The following ROBO1 variants were observed in gnomAD, a reference collection of about 807,000 sequenced individuals.
ROBO1 encodes roundabout guidance receptor 1.
In ROBO1, 149 loss-of-function variants were observed where a neutral mutation model predicts 195.9. That is an observed-to-expected ratio of 0.76 (90% CI 0.67 to 0.87). ROBO1 has a LOEUF of 0.87. Among genes scored for constraint, ROBO1 ranks in the 40% least tolerant of loss-of-function variants. The pLI, the probability that ROBO1 is intolerant of heterozygous loss-of-function variation, is 0.00. For missense variants in ROBO1, 1,933 were observed against 2,068.3 expected (o/e 0.93, Z 1.27); for synonymous variants, 816 against 733.2 (o/e 1.11, Z -1.82).
In ROBO1 at chr3:79,174,402, G is replaced by A. The variant is rs151196789; in HGVS notation, c.89-48863C>T. 4.8e-3 allele frequency among the ~76,000 whole-genome samples: 731 copies of A among 151,940 alleles called. 5 individuals carry two copies. The highest frequency in any genetic ancestry group is 0.016 in the African/African-American group (676 of 41,450). On this transcript the variant is annotated intron_variant, in intron 2 of 30. Coordinates refer to ENST00000464233, the MANE Select transcript of ROBO1 (RefSeq NM_002941.4). ...GAACCCACCACAAGGAAGAAACTCC[G>A]AACACATCCGAACATTGGAAAGAAC...
intron 2 of ROBO1, among the ~76,000 whole-genome samples, chr3:79,516,554 C>T (rs1940953273): frequency 6.6e-6 from 1 of 152,068 alleles, no homozygotes; most frequent in African/African-American, 2.4e-5. Context: ...GCCATAGTCT[C>T]TTTGTTTATA....
At chr3:78,888,606 G>A (rs1576350065) in intron 4 of ROBO1, among the ~76,000 whole-genome samples, 1 of 152,112 alleles carries the variant, frequency 6.6e-6, no homozygotes, top group South Asian at 2.1e-4. Flanking sequence ...GCAAACAAAC[G>A]ATTATAGAAG....
intron 2 of ROBO1, among the ~76,000 whole-genome samples, chr3:79,302,560 GTT>G (rs1377154660): frequency 6.6e-6 from 1 of 152,250 alleles, no homozygotes; most frequent in East Asian, 1.9e-4. Context: ...AAAGGAGTCA[GTT>G]TGGTCATTCT....
rs1229827011 is a variant in ROBO1, at chr3:78,668,243, G to A, written c.1690C>T (p.Pro564Ser). 1.2e-6 allele frequency: 2 copies of A among 1,613,820 alleles called. No individual in the cohort carries two copies. The highest frequency in any genetic ancestry group is 1.7e-6 in the Non-Finnish European group (2 of 1,179,814). Residue 564 changes from proline (P) to serine (S), a missense_variant, in exon 13 of 31, where the codon CCA becomes TCA. Physicochemically the swap from Pro to Ser is moderately conservative, Grantham distance 74. Transcript: ENST00000464233. Reference sequence around the variant, plus strand: ...ACATCTGTCACTTCAGGTTTTGATGGGGCACTAGGGATTAAATTTGGGTCA... The same window carrying A: ...ACATCTGTCACTTCAGGTTTTGATGAGGCACTAGGGATTAAATTTGGGTCA... ...PTDPNLIPSA[P>S]SKPEVTDVSR...
Position 79,104,903 on chromosome 3 carries a change from A to G in ROBO1, c.172+20553T>C, listed in dbSNP as rs536010859. On this transcript the variant is annotated intron_variant, in intron 3 of 30. Coordinates refer to ENST00000464233, the MANE Select transcript of ROBO1 (RefSeq NM_002941.4). The stretch of plus-strand genomic sequence containing the variant: ...AGAGCTTAGAGACAGACCCATACAT[A>G]TATGATGATATAATCCATGAGAAGT... Among the ~76,000 whole-genome samples, 37 of 151,934 alleles carry G rather than the reference A, an allele frequency of 2.4e-4. 1 individual carries two copies. In the East Asian group the frequency reaches 7.0e-3, roughly 29 times the overall value.
At chr3:79,567,406 TAATAA>T (rs1357286114) in intron 2 of ROBO1, among the ~76,000 whole-genome samples, 2 of 152,164 alleles carry the variant, frequency 1.3e-5, no homozygotes, top group African/African-American at 4.8e-5. Flanking sequence ...AAGGAGAGAA[TAATAA>T]AATAAACAGT....
At chr3:78,673,562 T>TTATA (rs1166250669) in intron 10 of ROBO1, among the ~76,000 whole-genome samples, 1,220 of 62,944 alleles carry the variant, frequency 0.019, 26 homozygotes, top group Middle Eastern at 0.04. Context: ...TACATATATT[T>TTATA]TATATATATA....
intron 3 of ROBO1, among the ~76,000 whole-genome samples, chr3:79,113,570 C>T (rs532631494): frequency 1.3e-5 from 2 of 152,084 alleles, no homozygotes; most frequent in South Asian, 4.2e-4. Flanking sequence ...GAGTTCGAGT[C>T]CAGCCTGACC....
At chr3:78,633,889 AG>A (rs1368571603) in intron 24 of ROBO1, 45 bp downstream of exon 24, 2 of 1,291,022 alleles carry the variant, frequency 1.5e-6, no homozygotes, top group Non-Finnish European at 2.2e-6. Context: ...AATCTTGGAA[AG>A]TACCAGCTTT....
chr3:78,931,538 G>T (rs1300174418), intron 4 of ROBO1, among the ~76,000 whole-genome samples: 1 of 151,948 alleles, frequency 6.6e-6, no homozygotes, highest in African/African-American at 2.4e-5. Context: ...GAGCCACCGT[G>T]CCCAGCCAAA....
chr3:79,187,887 G>A (rs2081469696), intron 2 of ROBO1, among the ~76,000 whole-genome samples: 1 of 151,936 alleles, frequency 6.6e-6, no homozygotes, highest in Admixed American at 6.6e-5. Context: ...AACTGCCTGA[G>A]GAGGCAGGAA....
chr3:78,617,253 A>C (rs1704163728), intron 27 of ROBO1, among the ~76,000 whole-genome samples: 1 of 152,178 alleles, frequency 6.6e-6, no homozygotes, highest in Non-Finnish European at 1.5e-5. Context: ...GGTTCTACAC[A>C]AAAAATTAGA....
chr3:78,839,139 G>C (rs1179568394), intron 4 of ROBO1, among the ~76,000 whole-genome samples: 1 of 152,092 alleles, frequency 6.6e-6, no homozygotes. Flanking sequence ...TGATACCAAA[G>C]AGTAAAAAGC....
chr3:79,291,821 T>C (rs1404942034), intron 2 of ROBO1, among the ~76,000 whole-genome samples: 2 of 152,136 alleles, frequency 1.3e-5, no homozygotes, highest in Non-Finnish European at 2.9e-5. Flanking sequence ...CCACCATAAA[T>C]GGCCCCAAGT....
intron 2 of ROBO1, among the ~76,000 whole-genome samples, chr3:79,392,464 C>T (rs887935728): frequency 6.6e-6 from 1 of 151,970 alleles, no homozygotes; most frequent in Non-Finnish European, 1.5e-5. Context: ...AATGTCAAGG[C>T]AGGAATGATA....
intron 2 of ROBO1, among the ~76,000 whole-genome samples, chr3:79,360,701 G>C (rs190170629): frequency 6.6e-6 from 1 of 151,992 alleles, no homozygotes; most frequent in Non-Finnish European, 1.5e-5. Flanking sequence ...TCATTATATA[G>C]TTAGGAAACC....
chr3:79,045,973 A>C (rs748175977), intron 3 of ROBO1, among the ~76,000 whole-genome samples: 15 of 152,152 alleles, frequency 9.9e-5, no homozygotes, highest in Non-Finnish European at 1.8e-4. Flanking sequence ...TTATGAATGT[A>C]GGTTATTGTG....
At chr3:79,342,556 C>T (rs1176302827) in intron 2 of ROBO1, among the ~76,000 whole-genome samples, 1 of 152,010 alleles carries the variant, frequency 6.6e-6, no homozygotes, top group Admixed American at 6.6e-5. Flanking sequence ...TGGGAATGAG[C>T]ATTTTAAAAA....
chr3:78,621,471 T>C lies in ROBO1; in HGVS notation c.3876-3430A>G, dbSNP rs2107435974. The stretch of plus-strand genomic sequence containing the variant: ...ATTCTGTAGAGCAAATACATCTTCA[T>C]GTAAAACAAGGGCTGGCTTTTAACT... On this transcript the variant is annotated intron_variant, in intron 26 of 30. Transcript: ENST00000464233. Among the ~76,000 whole-genome samples the C allele has an allele frequency of 1.3e-5, 2 of 152,322 alleles. 1 individual carries two copies. Among genetic ancestry groups the C allele is most frequent in the South Asian group, 4.1e-4 (2 of 4,830 alleles).
Sources: allele counts gnomAD v4.1 joint callset (sites outside exome capture counted in the v4.1 genomes callset), GRCh38; gene constraint gnomAD v4.1.1; transcripts MANE v1.5; gene names NCBI Gene and HGNC (gene_info 2026-07-23, HGNC 2026-07-21).